Variants in B3GAT2 observed in about 807,000 individuals in gnomAD.
The protein encoded by B3GAT2 is beta-1,3-glucuronyltransferase 2.
A neutral mutation model predicts 27.8 loss-of-function variants in B3GAT2; 26 were observed. The ratio of observed to expected loss-of-function variants is 0.93; its 90% CI spans 0.68 to 1.30. B3GAT2 has a LOEUF of 1.30. B3GAT2 is among the 50% of genes most tolerant of loss of function. The pLI is 0.00. For missense variants in B3GAT2, 458 were observed against 459.0 expected (o/e 1.00, Z 0.02); for synonymous variants, 218 against 195.1 (o/e 1.12, Z -0.98).
chr6:70,895,434 C>T (rs573988565), intron 1 of B3GAT2, among the ~76,000 whole-genome samples: 1 of 151,434 alleles, frequency 6.6e-6, no homozygotes, highest in Non-Finnish European at 1.5e-5. Flanking sequence ...TAATTAGAAG[C>T]TCCCATTAGC....
intron 1 of B3GAT2, among the ~76,000 whole-genome samples, chr6:70,949,415 A>C (rs1765543578): frequency 6.6e-6 from 1 of 152,236 alleles, no homozygotes; most frequent in African/African-American, 2.4e-5. Flanking sequence ...GACACTTCTC[A>C]AAAGAAACAT....
chr6:70,861,532 T>C lies in B3GAT2; in HGVS notation c.*131A>G. On this transcript the variant is annotated 3_prime_UTR_variant, in exon 4 of 4. Transcript: ENST00000230053. Reference sequence around the variant, plus strand: ...CAAGCTCCATTTAAACAGATGTCCATCAGATGACAAGAAAGGCTGCTGTAC... The same window carrying C: ...CAAGCTCCATTTAAACAGATGTCCACCAGATGACAAGAAAGGCTGCTGTAC... The C allele has an allele frequency of 1.4e-6, 1 of 730,984 alleles. No homozygotes were observed. Among genetic ancestry groups the C allele is most frequent in the East Asian group, 2.6e-5 (1 of 37,936 alleles). 45.3% of individuals were successfully genotyped at this position (730,984 alleles called of 1,614,324 possible).
rs1310352382 is a variant in B3GAT2, at chr6:70,858,446, TA to T, written c.*3216del. The stretch of plus-strand genomic sequence containing the variant: ...ATTATCGCTATTTTAGAGTATTCTG[TA>T]AAAAAAAGGTTAAACATCTTTCATT... On this transcript the variant is annotated 3_prime_UTR_variant, in exon 4 of 4. Transcript: ENST00000230053. The T allele has an allele frequency of 1.0e-4, 44 of 427,166 alleles. No individual in the cohort carries two copies. The highest frequency in any genetic ancestry group is 1.7e-4 in the East Asian group (4 of 23,804). 26.5% of individuals were successfully genotyped at this position (427,166 alleles called of 1,614,324 possible). A position where few individuals can be genotyped will look rare whatever the true frequency, so the allele number is the denominator to read the frequency against.
Position 70,861,659 on chromosome 6 carries a change from C to T in B3GAT2, c.*4G>A, listed in dbSNP as rs1771734045. ...GGACAAACTGCACCAGTTGCTGCTT[C>T]AATTTATACCTCAATTTTCACTGTG... is the stretch of plus-strand genomic sequence containing the variant. On this transcript the variant is annotated 3_prime_UTR_variant, in exon 4 of 4. Coordinates refer to ENST00000230053, the MANE Select transcript of B3GAT2 (RefSeq NM_080742.3). The T allele has an allele frequency of 3.1e-6, 5 of 1,611,972 alleles. 1 individual carries two copies. The Admixed American group carries it at 5.0e-5, about 16-fold the overall frequency.
At position 70,885,446 on chromosome 6, in the gene B3GAT2, T is replaced by C. The variant is rs1484120048; in HGVS notation, c.736+8682A>G. Among the ~76,000 whole-genome samples the C allele has an allele frequency of 2.0e-5, 3 of 152,174 alleles. No homozygotes were observed. In the East Asian group the frequency reaches 5.8e-4, roughly 29 times the overall value. ...CCTAAACAACTCTTTAATGATCTTT[T>C]TTGGCTTCGATTTTCTCCTGTTGAT... On this transcript the variant is annotated intron_variant, in intron 2 of 3. Transcript: ENST00000230053.
At chr6:70,911,155 A>G (rs962967035) in intron 1 of B3GAT2, among the ~76,000 whole-genome samples, 1 of 152,154 alleles carries the variant, frequency 6.6e-6, no homozygotes, top group African/African-American at 2.4e-5. Context: ...TTTGTTGTGC[A>G]GAAGATCTTT....
At chr6:70,913,700 TA>T (rs1358172274) in intron 1 of B3GAT2, among the ~76,000 whole-genome samples, 2 of 152,242 alleles carry the variant, frequency 1.3e-5, no homozygotes, top group Non-Finnish European at 2.9e-5. Context: ...CAGAGTTCTG[TA>T]GATGTCTGTT....
At chr6:70,899,299 G>A (rs1472970888) in intron 1 of B3GAT2, among the ~76,000 whole-genome samples, 1 of 152,178 alleles carries the variant, frequency 6.6e-6, no homozygotes, top group Non-Finnish European at 1.5e-5. Flanking sequence ...ATAGGGTTTT[G>A]TCCACAGAAT....
Position 70,957,023 on chromosome 6 carries a change from T to TA in B3GAT2, c.-595_-594insT, listed in dbSNP as rs1336667199. On this transcript the variant is annotated 5_prime_UTR_variant, in exon 1 of 4. Transcript: ENST00000230053. ...CAGCGGAAGCCTGCTCTCAGTCCCT[T>TA]GCTCTTGTCTTCTCAGAACCTCTCC... 1 of 991,528 alleles carries TA rather than the reference T, an allele frequency of 1.0e-6. No homozygotes were observed. Among genetic ancestry groups the TA allele is most frequent in the Non-Finnish European group, 1.2e-6 (1 of 834,582 alleles). The allele number at this position is 991,528 out of a possible 1,614,324, so 61.4% of individuals were successfully genotyped here.
rs771414127 is a variant in B3GAT2 at position 70,956,035 on chromosome 6, C to A, written c.395G>T (p.Arg132Leu). Residue 132 changes from arginine (R) to leucine (L), a missense_variant, in exon 1 of 4, where the codon CGG becomes CTG. By Grantham distance (102) the Arg-to-Leu change is moderately radical (BLOSUM62 -2). Coordinates refer to ENST00000230053, the MANE Select transcript of B3GAT2 (RefSeq NM_080742.3). ...RSELVSRFLA[R>L]AGLPSTHLHV... is the part of the protein sequence containing the mutation. ...CAGGTGAGTGCTGGGCAGCCCGGCC[C>A]GCGCCAGGAAGCGGCTCACCAGCTC... 2 of 1,557,428 alleles carry A rather than the reference C, an allele frequency of 1.3e-6. No homozygotes were observed. Among genetic ancestry groups the A allele is most frequent in the Non-Finnish European group, 1.7e-6 (2 of 1,159,400 alleles).
chr6:70,897,162 T>C (rs1194081782), intron 1 of B3GAT2, among the ~76,000 whole-genome samples: 1 of 152,196 alleles, frequency 6.6e-6, no homozygotes, highest in East Asian at 1.9e-4. Flanking sequence ...TTTTAATGAC[T>C]AATATGCTTA....
chr6:70,937,230 T>G (rs1490038238), intron 1 of B3GAT2, among the ~76,000 whole-genome samples: 1 of 151,698 alleles, frequency 6.6e-6, no homozygotes, highest in Non-Finnish European at 1.5e-5. Flanking sequence ...AATAGACCAA[T>G]AACAGGCTCT....
At chr6:70,912,520 A>G (rs1772704142) in intron 1 of B3GAT2, among the ~76,000 whole-genome samples, 1 of 152,128 alleles carries the variant, frequency 6.6e-6, no homozygotes, top group Non-Finnish European at 1.5e-5. Flanking sequence ...GTGCTGCTGA[A>G]TTCAGATTGC....
In B3GAT2 at chr6:70,858,727, G is replaced by C. The variant is rs1401982906; in HGVS notation, c.*2936C>G. 6.5e-6 allele frequency: 1 copy of C among 153,300 alleles called. No homozygotes were observed. The highest frequency in any genetic ancestry group is 1.5e-5 in the Non-Finnish European group (1 of 68,904). The allele number at this position is 153,300 out of a possible 1,614,324, so 9.5% of individuals were successfully genotyped here. On this transcript the variant is annotated 3_prime_UTR_variant, in exon 4 of 4. Transcript: ENST00000230053. ...GGATCTAAGGCTATTTTTCAGGTCGGATGATTACTGCCCCATGGCTCTGTA... is the reference window on the plus strand; with the variant it reads ...GGATCTAAGGCTATTTTTCAGGTCGCATGATTACTGCCCCATGGCTCTGTA...
chr6:70,894,329 A>G (rs1307150885), intron 1 of B3GAT2, 57 bp from the exon 2 acceptor site: 7 of 1,509,322 alleles, frequency 4.6e-6, no homozygotes, highest in Non-Finnish European at 6.2e-6. Context: ...GAGGGAGGAA[A>G]TGAATGTGAT....
At chr6:70,903,822 G>A (rs1772550985) in intron 1 of B3GAT2, among the ~76,000 whole-genome samples, 2 of 150,988 alleles carry the variant, frequency 1.3e-5, no homozygotes, top group South Asian at 2.1e-4. Flanking sequence ...AACTACTTGG[G>A]AAAAAAAATT....
chr6:70,953,737 T>C (rs1330202028), intron 1 of B3GAT2, among the ~76,000 whole-genome samples: 2 of 152,206 alleles, frequency 1.3e-5, no homozygotes, highest in Non-Finnish European at 2.9e-5. Flanking sequence ...TTACTTCCAA[T>C]TGTACAAAAG....
chr6:70,858,383 ATAT>A lies in B3GAT2; in HGVS notation c.*3277_*3279del, dbSNP rs544992149. ...GTTATAGGGTCAAAAGTATCTATAA[ATAT>A]TATGAAGTTGTATCAGATAGACAAA... On this transcript the variant is annotated 3_prime_UTR_variant, in exon 4 of 4. Transcript: ENST00000230053. The A allele has an allele frequency of 3.3e-3, 2,086 of 624,162 alleles. 16 individuals carry two copies. Among genetic ancestry groups the A allele is most frequent in the Admixed American group, 3.6e-3 (97 of 26,720 alleles). 38.7% of individuals were successfully genotyped at this position (624,162 alleles called of 1,614,324 possible). A position where few individuals can be genotyped will look rare whatever the true frequency, so the allele number is the denominator to read the frequency against.
rs1771570869 is a variant in B3GAT2, at chr6:70,859,006, C to T, written c.*2657G>A. 1 of 189,908 alleles carries T rather than the reference C, an allele frequency of 5.3e-6. No homozygotes were observed. Among genetic ancestry groups the T allele is most frequent in the South Asian group, 1.3e-4 (1 of 7,542 alleles). 11.8% of individuals were successfully genotyped at this position (189,908 alleles called of 1,614,324 possible). ...TCTTAGAGAGGTTCATGCTCCCACT[C>T]TTCTTCCTTTTACACTTCCCATTGA... On this transcript the variant is annotated 3_prime_UTR_variant, in exon 4 of 4. Transcript: ENST00000230053.
Sources: gnomAD v4.1 joint callset for allele counts (sites outside exome capture counted in the v4.1 genomes callset) on GRCh38, gnomAD v4.1.1 for gene constraint, MANE v1.5 for transcripts, NCBI Gene and HGNC (gene_info 2026-07-23, HGNC 2026-07-21) for gene names.